SGK3: variants seen among roughly 807,000 people sequenced by gnomAD.
SGK3 encodes the protein serum/glucocorticoid regulated kinase family member 3.
A neutral mutation model predicts 68.5 loss-of-function variants in SGK3; 47 were observed. The ratio of observed to expected loss-of-function variants is 0.69; its 90% CI spans 0.54 to 0.87. SGK3 has a LOEUF of 0.87. Ranked by LOEUF, SGK3 falls within the 40% of genes least tolerant of loss-of-function variation. The pLI, the probability that SGK3 is intolerant of heterozygous loss-of-function variation, is 0.00. For synonymous variants in SGK3, 181 were observed against 189.1 expected (o/e 0.96, Z 0.35); for missense variants, 479 against 575.5 (o/e 0.83, Z 1.72).
intron 2 of SGK3, among the ~76,000 whole-genome samples, chr8:66,795,523 C>G (rs1440372375): frequency 1.3e-5 from 2 of 152,120 alleles, no homozygotes; most frequent in African/African-American, 2.4e-5. Flanking sequence ...TTGGGCCATT[C>G]TTTTCTCGAG....
chr8:66,758,998 A>G (rs559270898), intron 1 of SGK3, among the ~76,000 whole-genome samples: 2 of 152,234 alleles, frequency 1.3e-5, no homozygotes, highest in South Asian at 2.1e-4. Context: ...CTAGGAAACA[A>G]TGGGTTCCTT....
intron 10 of SGK3, among the ~76,000 whole-genome samples, chr8:66,837,851 T>G (rs1338708980): frequency 6.6e-6 from 1 of 152,188 alleles, no homozygotes; most frequent in African/African-American, 2.4e-5. Context: ...GGCATCCTGA[T>G]TCATTGATGC....
intron 8 of SGK3, among the ~76,000 whole-genome samples, chr8:66,834,234 G>A (rs1809417190): frequency 6.6e-6 from 1 of 151,218 alleles, no homozygotes; most frequent in South Asian, 2.1e-4. Flanking sequence ...AACAAAATAT[G>A]AGAACTATGC....
intron 1 of SGK3, among the ~76,000 whole-genome samples, chr8:66,728,038 C>T (rs567607436): frequency 6.6e-6 from 1 of 152,258 alleles, no homozygotes; most frequent in East Asian, 1.9e-4. Context: ...TTTTAAACCA[C>T]AATTCAGTGG....
At chr8:66,790,599 T>C (rs1330872905) in intron 1 of SGK3, 1 of 152,222 alleles carries the variant, frequency 6.6e-6, no homozygotes. Flanking sequence ...TCTTTAGTCT[T>C]CTCAGCTTGG....
At chr8:66,715,764 C>T (rs752662332) in intron 1 of SGK3, among the ~76,000 whole-genome samples, 73 of 152,042 alleles carry the variant, frequency 4.8e-4, no homozygotes, top group Non-Finnish European at 7.8e-4. Flanking sequence ...TATGTGATTT[C>T]CAGGTGGATA....
At chr8:66,751,229 G>C (rs1045925970) in intron 1 of SGK3, among the ~76,000 whole-genome samples, 1 of 152,184 alleles carries the variant, frequency 6.6e-6, no homozygotes, top group East Asian at 1.9e-4. Context: ...GTGAAAAAAA[G>C]AAATGAGAGG....
At chr8:66,764,960 A>T (rs1585684024) in intron 1 of SGK3, among the ~76,000 whole-genome samples, 1 of 152,182 alleles carries the variant, frequency 6.6e-6, no homozygotes, top group African/African-American at 2.4e-5. Flanking sequence ...TCATTGGCTG[A>T]TGGACACATG....
At chr8:66,792,693 A>G (rs1325787038) in intron 1 of SGK3, among the ~76,000 whole-genome samples, 3 of 152,186 alleles carry the variant, frequency 2.0e-5, no homozygotes, top group Non-Finnish European at 4.4e-5. Flanking sequence ...AGCCTGGGCA[A>G]TGTAATGAGA....
intron 2 of SGK3, among the ~76,000 whole-genome samples, chr8:66,797,433 A>G (rs1030171154): frequency 3.9e-5 from 6 of 152,062 alleles, no homozygotes; most frequent in African/African-American, 1.4e-4. Context: ...CTTACACATA[A>G]TAGCTTCCTC....
intron 1 of SGK3, among the ~76,000 whole-genome samples, chr8:66,788,336 C>CATAGTT: frequency 6.6e-6 from 1 of 152,312 alleles, no homozygotes; most frequent in South Asian, 2.1e-4. Context: ...TTTACATAGT[C>CATAGTT]TCTTGGTTTT....
rs1337251970 is a variant in SGK3 at position 66,749,770 on chromosome 8, T to C, written c.-122+36937T>C. Among the ~76,000 whole-genome samples the C allele has an allele frequency of 1.3e-5, 2 of 152,076 alleles. 1 individual carries two copies. Among genetic ancestry groups the C allele is most frequent in the Non-Finnish European group, 2.9e-5 (2 of 68,014 alleles). ...TGAGGAATTTGAGATAATTTAGATA[T>C]GTTTATATATAGATGCAGAAATATA... On this transcript the variant is annotated intron_variant, in intron 1 of 16. Transcript: ENST00000521198.
intron 4 of SGK3, among the ~76,000 whole-genome samples, chr8:66,809,331 G>C (rs1210656537): frequency 6.6e-6 from 1 of 152,172 alleles, no homozygotes; most frequent in Non-Finnish European, 1.5e-5. Flanking sequence ...GGTGATCCCA[G>C]ATCTGGGGCA....
intron 5 of SGK3, among the ~76,000 whole-genome samples, chr8:66,816,410 A>G (rs1808586548): frequency 6.8e-6 from 1 of 146,982 alleles, no homozygotes; most frequent in Non-Finnish European, 1.5e-5. Context: ...CAGTGGCGCA[A>G]TCTCAGCTCA....
chr8:66,805,815 T>C (rs1808134463), intron 4 of SGK3, among the ~76,000 whole-genome samples: 2 of 152,228 alleles, frequency 1.3e-5, no homozygotes, highest in African/African-American at 4.8e-5. Context: ...CTGGTTAAAC[T>C]GATAATACCT....
chr8:66,777,411 C>T (rs1173526138), intron 1 of SGK3, among the ~76,000 whole-genome samples: 2 of 152,192 alleles, frequency 1.3e-5, no homozygotes, highest in Admixed American at 6.5e-5. Flanking sequence ...GGATCTGATG[C>T]AGACATTTCC....
chr8:66,826,774 A>G (rs917159998), intron 6 of SGK3, among the ~76,000 whole-genome samples: 3 of 151,948 alleles, frequency 2.0e-5, no homozygotes, highest in African/African-American at 7.3e-5. Flanking sequence ...CCTTTCGAGT[A>G]GCTGGGATTA....
chr8:66,850,714 T>C, intron 15 of SGK3, 117 bp from the exon 16 acceptor site: 1 of 887,042 alleles, frequency 1.1e-6, no homozygotes, highest in Admixed American at 2.8e-5. Flanking sequence ...CATACACATG[T>C]TCCTAAAAAG....
chr8:66,844,155 T>A (rs1809915179), intron 14 of SGK3, among the ~76,000 whole-genome samples: 1 of 152,208 alleles, frequency 6.6e-6, no homozygotes, highest in African/African-American at 2.4e-5. Flanking sequence ...ATTATCTGCT[T>A]CCATTCAGTT....
Sources: allele counts gnomAD v4.1 joint callset (sites outside exome capture counted in the v4.1 genomes callset), GRCh38; gene constraint gnomAD v4.1.1; transcripts MANE v1.5; gene names NCBI Gene and HGNC (gene_info 2026-07-23, HGNC 2026-07-21).